Variants in FGFR1 observed in about 807,000 individuals in gnomAD.
FGFR1 encodes fibroblast growth factor receptor 1, also known as FGFR1/PLAG1 fusion.
FGFR1 carries 18 observed loss-of-function variants against 93.7 expected under a neutral mutation model. That is an observed-to-expected ratio of 0.19 (90% CI 0.13 to 0.28). The LOEUF is 0.28. Ranked by LOEUF, FGFR1 falls within the 10% of genes least tolerant of loss-of-function variation. The pLI, the probability that FGFR1 is intolerant of heterozygous loss-of-function variation, is 1.00. For synonymous variants in FGFR1, 448 were observed against 429.3 expected (o/e 1.04, Z -0.54); for missense variants, 731 against 1,080.4 (o/e 0.68, Z 4.53).
At position 38,424,170 on chromosome 8, in the gene FGFR1, T is replaced by C; in HGVS notation, c.936+339A>G. On this transcript the variant is annotated intron_variant, in intron 7 of 17. Transcript: ENST00000447712. This position sits in a 1 kb window ranked among gnomAD's most constrained non-coding sequence, Gnocchi z 4.3. ...AGGGCTAAGACTGGGAAACGCTTGG[T>C]GGAAAGGCTCTGGTTTCGGGCAATG... 1 of 452,896 alleles carries C rather than the reference T, an allele frequency of 2.2e-6. No homozygotes were observed. Among genetic ancestry groups the C allele is most frequent in the Non-Finnish European group, 4.2e-6 (1 of 236,486 alleles). 28.1% of individuals were successfully genotyped at this position (452,896 alleles called of 1,614,324 possible).
chr8:38,442,392 T>TGTGTGTGTGTGC (rs1563568222), intron 2 of FGFR1, among the ~76,000 whole-genome samples: 1 of 151,834 alleles, frequency 6.6e-6, no homozygotes, highest in Non-Finnish European at 1.5e-5. Context: ...TGTGTGTGTG[T>TGTGTGTGTGTGC]GTGCAGGGGT....
intron 5 of FGFR1, 69 bp downstream of exon 5, chr8:38,427,852 T>C: frequency 6.4e-7 from 1 of 1,551,584 alleles, no homozygotes; most frequent in Non-Finnish European, 8.9e-7. Flanking sequence ...GAAAAGCATG[T>C]AATCAGGACT....
In FGFR1 at chr8:38,418,292, T is replaced by C. The variant is rs768428215; in HGVS notation, c.1366A>G (p.Met456Val). 4 of 1,614,100 alleles carry C rather than the reference T, an allele frequency of 2.5e-6. No individual in the cohort carries two copies. Among genetic ancestry groups the C allele is most frequent in the East Asian group, 2.2e-5 (1 of 44,880 alleles). The change falls in exon 10 of 18, where the codon ATG becomes GTG. Residue 456 changes from methionine to valine, a missense_variant. By Grantham distance (21) the Met-to-Val change is conservative (BLOSUM62 1). Around this residue, in one of 10 missense-constraint regions of FGFR1, gnomAD observed 146 missense variants for 173.0 expected, o/e 0.84. Transcript: ENST00000447712. The stretch of plus-strand genomic sequence containing the variant: ...TCATACTCAGAGACCCCTGCTAGCA[T>C]GGGAGTCCCACTGGAGGAGAGCCGT... Reference protein sequence around the residue: ...PSRLSSSGTPMLAGVSEYELP... With the variant: ...PSRLSSSGTPVLAGVSEYELP...
chr8:38,423,003 G>T, intron 7 of FGFR1: 1 of 779,296 alleles, frequency 1.3e-6, no homozygotes, highest in Non-Finnish European at 2.4e-6. Context: ...CCAGCACAGG[G>T]TCCCATCCAT....
At chr8:38,453,711 G>A (rs1419916633) in intron 2 of FGFR1, among the ~76,000 whole-genome samples, 1 of 152,158 alleles carries the variant, frequency 6.6e-6, no homozygotes. Context: ...AGGCCAACCT[G>A]GTGAAACCCA....
Position 38,429,552 on chromosome 8 carries a change from G to C in FGFR1, c.358+130C>G. ...CGGCAGGCAGGGAGCAATGTTAGTG[G>C]GCAGCAGTTTCTGAAGCAGAGTGGG... is the stretch of plus-strand genomic sequence containing the variant. On this transcript the variant is annotated intron_variant, in intron 3 of 17. Transcript: ENST00000447712. The surrounding 1 kb of genome is among the most constrained non-coding windows in gnomAD (Gnocchi z 4.4). 7 of 1,048,276 alleles carry C rather than the reference G, an allele frequency of 6.7e-6. No individual in the cohort carries two copies. Among genetic ancestry groups the C allele is most frequent in the Non-Finnish European group, 9.8e-6 (7 of 711,112 alleles). 64.9% of individuals were successfully genotyped at this position (1,048,276 alleles called of 1,614,324 possible).
chr8:38,459,027 G>T, intron 1 of FGFR1: 1 of 227,804 alleles, frequency 4.4e-6, no homozygotes, highest in South Asian at 1.8e-4. Context: ...ACTGGCCCCA[G>T]TTAAAAGAAC....
Position 38,414,178 on chromosome 8 carries a change from G to T in FGFR1, c.2160C>A (p.Asp720Glu). The stretch of plus-strand genomic sequence containing the variant: ...GCTCGTTGGTGCAGTTACTGGGCTT[G>T]TCCATGCGGTGACCCTCCTTCAGCA... ...FKLLKEGHRM[D>E]KPSNCTNELY... The change falls in exon 16 of 18, where the codon GAC becomes GAA. Residue 720 changes from aspartate (D) to glutamate (E), a missense_variant. Around this residue, in one of 10 missense-constraint regions of FGFR1, gnomAD observed 35 missense variants for 78.0 expected, o/e 0.45. Coordinates refer to ENST00000447712, the MANE Select transcript of FGFR1 (RefSeq NM_023110.3). The T allele has an allele frequency of 6.2e-7, 1 of 1,614,200 alleles. No homozygotes were observed. The highest frequency in any genetic ancestry group is 2.2e-5 in the East Asian group (1 of 44,864).
intron 2 of FGFR1, among the ~76,000 whole-genome samples, chr8:38,448,272 A>G (rs995244079): frequency 6.7e-6 from 1 of 150,112 alleles, no homozygotes; most frequent in Non-Finnish European, 1.5e-5. Context: ...ATCTAACAAA[A>G]CACCAATTTT....
intron 2 of FGFR1, among the ~76,000 whole-genome samples, chr8:38,433,392 C>A (rs1824025037): frequency 6.6e-6 from 1 of 152,050 alleles, no homozygotes; most frequent in African/African-American, 2.4e-5. Flanking sequence ...CTTGCTGCAA[C>A]TTCTGCCTCC....
rs893025397 is a variant in FGFR1, at chr8:38,411,525, C to T, written c.*2103G>A. Reference sequence around the variant, plus strand: ...GAAACAAAGAGAATTTTACAATAGTCGCCAACACTGCAGCTGCCAAAAAAT... The same window carrying T: ...GAAACAAAGAGAATTTTACAATAGTTGCCAACACTGCAGCTGCCAAAAAAT... On this transcript the variant is annotated 3_prime_UTR_variant, in exon 18 of 18. Coordinates refer to ENST00000447712, the MANE Select transcript of FGFR1 (RefSeq NM_023110.3). 3.9e-5 allele frequency: 9 copies of T among 228,332 alleles called. No homozygotes were observed. Among genetic ancestry groups the T allele is most frequent in the Non-Finnish European group, 6.1e-5 (7 of 115,266 alleles). The allele number at this position is 228,332 out of a possible 1,614,324, so 14.1% of individuals were successfully genotyped here.
At chr8:38,443,986 G>C (rs1265789236) in intron 2 of FGFR1, among the ~76,000 whole-genome samples, 1 of 147,848 alleles carries the variant, frequency 6.8e-6, no homozygotes, top group Admixed American at 6.9e-5. Flanking sequence ...TCAGGAGGTG[G>C]AGGTTGCAGT....
chr8:38,455,844 T>C (rs1319514866), intron 2 of FGFR1, among the ~76,000 whole-genome samples: 1 of 152,132 alleles, frequency 6.6e-6, no homozygotes, highest in Non-Finnish European at 1.5e-5. Context: ...GGTTGTAACT[T>C]CACTGGGTGG....
intron 2 of FGFR1, among the ~76,000 whole-genome samples, chr8:38,432,410 ATT>A (rs34918365): frequency 3.5e-4 from 48 of 135,828 alleles, no homozygotes; most frequent in Non-Finnish European, 3.0e-4. Flanking sequence ...CTCGGGATAA[ATT>A]TTTTTTTTTT....
At chr8:38,467,245 G>A (rs1480331351) in intron 1 of FGFR1, among the ~76,000 whole-genome samples, 1 of 152,040 alleles carries the variant, frequency 6.6e-6, no homozygotes, top group Non-Finnish European at 1.5e-5. Context: ...CCCTTTCAGA[G>A]ACCGTCCAAG....
At chr8:38,460,630 T>C (rs1277074438) in intron 1 of FGFR1, among the ~76,000 whole-genome samples, 1 of 152,062 alleles carries the variant, frequency 6.6e-6, no homozygotes, top group African/African-American at 2.4e-5. Context: ...GTACAAAAAG[T>C]CTCTTCCTCT....
chr8:38,422,118 A>T, intron 7 of FGFR1, 177 bp from the exon 8 acceptor site: 1 of 709,048 alleles, frequency 1.4e-6, no homozygotes, highest in Non-Finnish European at 2.4e-6. Context: ...TTAGAGGAAG[A>T]GGGTGAGACC....
At chr8:38,416,119 C>T (rs900864236) in intron 12 of FGFR1, 59 bp from the exon 13 acceptor site, 9 of 1,500,454 alleles carry the variant, frequency 6.0e-6, no homozygotes, top group Non-Finnish European at 8.1e-6. Flanking sequence ...TTTGGCTTCA[C>T]CTCAAAGAAA....
intron 2 of FGFR1, among the ~76,000 whole-genome samples, chr8:38,448,706 G>A (rs1586655447): frequency 6.6e-6 from 1 of 152,276 alleles, no homozygotes; most frequent in African/African-American, 2.4e-5. Context: ...TGTAATCCCA[G>A]CACTTTGGGA....
Sources: gnomAD v4.1 joint callset for allele counts (sites outside exome capture counted in the v4.1 genomes callset) on GRCh38, gnomAD v4.1.1 for gene constraint, gnomAD v4.1.1 regional missense constraint, Gnocchi (gnomAD v3.1) non-coding constraint, MANE v1.5 for transcripts, NCBI Gene and HGNC (gene_info 2026-07-23, HGNC 2026-07-21) for gene names.